LRMDA: variants seen among roughly 807,000 people sequenced by gnomAD.
LRMDA encodes leucine rich melanocyte differentiation associated, also known as leucine-rich melanocyte differentiation-associated protein.
A neutral mutation model predicts 29.8 loss-of-function variants in LRMDA; 18 were observed. The ratio of observed to expected loss-of-function variants is 0.60; its 90% CI spans 0.42 to 0.90. LRMDA has a LOEUF of 0.90. Among genes scored for constraint, LRMDA ranks in the 40% least tolerant of loss-of-function variants. The pLI, the probability that LRMDA is intolerant of heterozygous loss-of-function variation, is 0.00. For missense variants in LRMDA, 273 were observed against 273.9 expected (o/e 1.00, Z 0.02); for synonymous variants, 125 against 109.4 (o/e 1.14, Z -0.89).
chr10:76,487,240 A>G (rs552001695), intron 6 of LRMDA, among the ~76,000 whole-genome samples: 1 of 151,928 alleles, frequency 6.6e-6, no homozygotes, highest in Non-Finnish European at 1.5e-5. Flanking sequence ...TAAAGATTTA[A>G]GACATTACTT....
chr10:76,440,281 A>C (rs1842287903), intron 6 of LRMDA, among the ~76,000 whole-genome samples: 2 of 152,210 alleles, frequency 1.3e-5, no homozygotes, highest in Admixed American at 1.3e-4. Context: ...GAATGGGATG[A>C]GTCCTATCAT....
intron 2 of LRMDA, among the ~76,000 whole-genome samples, chr10:75,945,384 T>A (rs1292749676): frequency 6.6e-6 from 1 of 152,228 alleles, no homozygotes; most frequent in Non-Finnish European, 1.5e-5. Context: ...TGTTGTTCTC[T>A]TCTTTCTGGG....
rs1564520675 is a variant in LRMDA at position 76,363,178 on chromosome 10, G to GAAAGAAAGAAAGA, written c.601+38694_601+38695insAAGAAAGAAAGAA. Among the ~76,000 whole-genome samples, 41 of 12,262 alleles carry GAAAGAAAGAAAGA rather than the reference G, an allele frequency of 3.3e-3. 2 individuals are homozygous for GAAAGAAAGAAAGA. The highest frequency in any genetic ancestry group is 0.011 in the East Asian group (12 of 1,062). 8.0% of individuals were successfully genotyped at this position (12,262 alleles called of 152,430 possible). On this transcript the variant is annotated intron_variant, in intron 6 of 6. Coordinates refer to ENST00000611255, the MANE Select transcript of LRMDA (RefSeq NM_001305581.2). ...GAAAGAAAGAAAGAAAGAAAGAAAG[G>GAAAGAAAGAAAGA]AGGGAGGGAGGGAGGGAGGGAGGGA... is the stretch of plus-strand genomic sequence containing the variant.
chr10:75,845,903 A>G (rs1844627381), intron 2 of LRMDA, among the ~76,000 whole-genome samples: 1 of 152,162 alleles, frequency 6.6e-6, no homozygotes, highest in African/African-American at 2.4e-5. Context: ...TTTAACACTT[A>G]GTTTTTCTCA....
intron 2 of LRMDA, among the ~76,000 whole-genome samples, chr10:75,735,521 G>T (rs568413745): frequency 7.9e-5 from 12 of 152,286 alleles, no homozygotes; most frequent in African/African-American, 2.6e-4. Context: ...GGTACTGAGG[G>T]ATATTCTCAG....
At chr10:76,226,749 C>T (rs1047511863) in intron 5 of LRMDA, among the ~76,000 whole-genome samples, 3 of 152,114 alleles carry the variant, frequency 2.0e-5, no homozygotes, top group Non-Finnish European at 2.9e-5. Context: ...CAGAGCCAAA[C>T]CATATCAGGT....
At chr10:76,303,189 G>A (rs1401356989) in intron 5 of LRMDA, among the ~76,000 whole-genome samples, 1 of 150,702 alleles carries the variant, frequency 6.6e-6, no homozygotes, top group East Asian at 1.9e-4. Flanking sequence ...GAGATAAAAA[G>A]GAGTCATGTT....
intron 2 of LRMDA, among the ~76,000 whole-genome samples, chr10:75,678,090 A>G (rs56687086): frequency 0.13 from 20,168 of 152,144 alleles, 3,254 homozygotes; most frequent in African/African-American, 0.37. Context: ...ACACAGAAAT[A>G]TTCATACATA....
intron 2 of LRMDA, among the ~76,000 whole-genome samples, chr10:75,676,731 C>A (rs1198750471): frequency 6.6e-6 from 1 of 152,114 alleles, no homozygotes; most frequent in Non-Finnish European, 1.5e-5. Flanking sequence ...GGTAAATTCT[C>A]TGAAGGAGTG....
intron 5 of LRMDA, among the ~76,000 whole-genome samples, chr10:76,218,361 G>T (rs558803094): frequency 6.6e-6 from 1 of 152,222 alleles, no homozygotes; most frequent in Non-Finnish European, 1.5e-5. Context: ...TGGCAGTGCC[G>T]AGAGACCCGG....
At chr10:76,324,816 A>G (rs1339229802) in intron 6 of LRMDA, among the ~76,000 whole-genome samples, 1 of 152,202 alleles carries the variant, frequency 6.6e-6, no homozygotes, top group Non-Finnish European at 1.5e-5. Flanking sequence ...GAAACTCACT[A>G]ACATTTATAA....
chr10:76,011,441 C>T (rs994068611), intron 2 of LRMDA, among the ~76,000 whole-genome samples: 3 of 152,092 alleles, frequency 2.0e-5, no homozygotes, highest in Non-Finnish European at 2.9e-5. Flanking sequence ...GGATGCTCTA[C>T]GGGGCCATGG....
At chr10:75,475,942 G>A (rs181456577) in intron 2 of LRMDA, among the ~76,000 whole-genome samples, 1 of 152,304 alleles carries the variant, frequency 6.6e-6, no homozygotes, top group East Asian at 1.9e-4. Context: ...TTCTTAAGTG[G>A]TCCAAGACCA....
intron 2 of LRMDA, among the ~76,000 whole-genome samples, chr10:75,513,379 A>G (rs919268589): frequency 1.3e-5 from 2 of 152,264 alleles, no homozygotes; most frequent in South Asian, 4.2e-4. Flanking sequence ...TACAAATATC[A>G]TCCCTGTGGA....
intron 2 of LRMDA, among the ~76,000 whole-genome samples, chr10:75,816,206 A>T (rs1444246864): frequency 6.6e-6 from 1 of 152,160 alleles, no homozygotes; most frequent in Non-Finnish European, 1.5e-5. Flanking sequence ...TATAATTCAC[A>T]TAGTGCTATG....
chr10:75,520,917 T>C (rs955932813), intron 2 of LRMDA, among the ~76,000 whole-genome samples: 1 of 152,220 alleles, frequency 6.6e-6, no homozygotes, highest in Non-Finnish European at 1.5e-5. Flanking sequence ...TTCTGTTTGT[T>C]AGTTTTCCTT....
intron 1 of LRMDA, among the ~76,000 whole-genome samples, chr10:75,435,144 C>T (rs527705129): frequency 6.6e-6 from 1 of 152,290 alleles, no homozygotes; most frequent in Admixed American, 6.5e-5. Flanking sequence ...ATCTTTGTTC[C>T]TCAATGCAGT....
At chr10:76,345,059 CCTTTTTTT>C (rs1210379298) in intron 6 of LRMDA, among the ~76,000 whole-genome samples, 1 of 131,382 alleles carries the variant, frequency 7.6e-6, no homozygotes, top group Non-Finnish European at 1.6e-5. Context: ...GAACACAAAA[CCTTTTTTT>C]TTTTTTTTTT....
intron 5 of LRMDA, among the ~76,000 whole-genome samples, chr10:76,170,789 C>T (rs1466504064): frequency 6.6e-6 from 1 of 152,124 alleles, no homozygotes. Flanking sequence ...AAATTGAACT[C>T]TGGACTGAAG....
Sources: gnomAD v4.1 joint callset for allele counts (sites outside exome capture counted in the v4.1 genomes callset) on GRCh38, gnomAD v4.1.1 for gene constraint, MANE v1.5 for transcripts, NCBI Gene and HGNC (gene_info 2026-07-23, HGNC 2026-07-21) for gene names.